The following NWD1 variants were observed in gnomAD, a reference collection of about 807,000 sequenced individuals.
NWD1 encodes the protein NACHT domain- and WD repeat-containing protein 1.
A neutral mutation model predicts 135.1 loss-of-function variants in NWD1; 129 were observed. The observed-to-expected ratio is 0.96, with a 90% CI of 0.83 to 1.11. NWD1 has a LOEUF of 1.11. Among genes scored for constraint, NWD1 ranks in the 50% least tolerant of loss-of-function variants. The pLI, the probability that NWD1 is intolerant of heterozygous loss-of-function variation, is 0.00. For synonymous variants in NWD1, 773 were observed against 786.0 expected, an observed-to-expected ratio of 0.98 and a Z score of 0.28; for missense variants, 1,740 against 1,851.3, an observed-to-expected ratio of 0.94 and a Z score of 1.10.
chr19:16,740,573 G>C (rs1464929646), intron 4 of NWD1, among the ~76,000 whole-genome samples: 1 of 151,284 alleles, frequency 6.6e-6, no homozygotes, highest in Non-Finnish European at 1.5e-5. Flanking sequence ...CCTGACCTCA[G>C]GTGATCCACC....
In NWD1 at chr19:16,789,010, C is replaced by T. The variant is rs1470739082; in HGVS notation, c.2760C>T (p.Ala920=). ...AGGTGAGGTGTGTGAAAATATTTGC[C>T]AAAGGGACCCTCGCCAACTCTGCTT... is the stretch of plus-strand genomic sequence containing the variant. The part of the protein sequence containing the change: ...TGEVRCVKIF[A]KGTLANSASK... The change falls in exon 13 of 19, where the codon GCC becomes GCT. Residue 920 remains alanine (A), a synonymous_variant. Transcript: ENST00000524140. 6.2e-7 allele frequency: 1 copy of T among 1,612,008 alleles called. No homozygotes were observed. The highest frequency in any genetic ancestry group is 8.5e-7 in the Non-Finnish European group (1 of 1,179,718).
intron 6 of NWD1, among the ~76,000 whole-genome samples, chr19:16,755,227 TG>T (rs1050520484): frequency 2.0e-5 from 3 of 151,636 alleles, no homozygotes; most frequent in Admixed American, 6.6e-5. Flanking sequence ...CTCTCTTTTT[TG>T]GGGGGGGACA....
At chr19:16,723,155 T>G (rs1418746546) in intron 1 of NWD1, among the ~76,000 whole-genome samples, 2 of 151,998 alleles carry the variant, frequency 1.3e-5, no homozygotes, top group Non-Finnish European at 2.9e-5. Context: ...CATCTCAGCC[T>G]CCCAAGTAGC....
Position 16,749,517 on chromosome 19 carries a change from C to T in NWD1, c.875C>T (p.Ala292Val), listed in dbSNP as rs746626131. The T allele has an allele frequency of 4.3e-6, 7 of 1,610,574 alleles. No individual in the cohort carries two copies. In the Admixed American group the frequency reaches 6.7e-5, roughly 15 times the overall value. ...RELDTAGQEL[A>V]WLYQEIRHHL... ...CTGGATACGGCCGGACAGGAGTTGGCGTGGCTCTACCAAGAGATCCGCCAC... is the reference window on the plus strand; with the variant it reads ...CTGGATACGGCCGGACAGGAGTTGGTGTGGCTCTACCAAGAGATCCGCCAC... The change falls in exon 6 of 19, where the codon GCG (alanine) becomes GTG (valine). Residue 292 changes from alanine (A) to valine (V), a missense_variant. Transcript: ENST00000524140.
chr19:16,790,436 G>A (rs958163624), intron 13 of NWD1, among the ~76,000 whole-genome samples: 2 of 151,368 alleles, frequency 1.3e-5, no homozygotes, highest in African/African-American at 4.9e-5. Context: ...TCACCAACCA[G>A]ATGTACCTAT....
intron 18 of NWD1, among the ~76,000 whole-genome samples, chr19:16,813,221 G>T (rs1970977820): frequency 6.6e-6 from 1 of 152,130 alleles, no homozygotes; most frequent in Non-Finnish European, 1.5e-5. Flanking sequence ...AGAGTGAGAA[G>T]AGGGTCAAGT....
rs1160024976 is a variant in NWD1, at chr19:16,720,257, A to G, written c.-141A>G. Reference sequence around the variant, plus strand: ...CATGGAATTCACTTTCTCGTGGGACAGACAAACAATAACATGTAGAAACAT... The same window carrying G: ...CATGGAATTCACTTTCTCGTGGGACGGACAAACAATAACATGTAGAAACAT... On this transcript the variant is annotated 5_prime_UTR_variant, in exon 1 of 19. Transcript: ENST00000524140. The G allele has an allele frequency of 6.6e-6, 1 of 152,234 alleles. No individual in the cohort carries two copies. The highest frequency in any genetic ancestry group is 1.9e-4 in the East Asian group (1 of 5,204). 9.4% of individuals were successfully genotyped at this position (152,234 alleles called of 1,614,324 possible). A position where few individuals can be genotyped will look rare whatever the true frequency, so the allele number is the denominator to read the frequency against.
intron 6 of NWD1, among the ~76,000 whole-genome samples, chr19:16,757,009 G>A (rs1968824573): frequency 6.6e-6 from 1 of 152,072 alleles, no homozygotes; most frequent in African/African-American, 2.4e-5. Context: ...CCCCAGATGG[G>A]ACTGTCTACT....
intron 18 of NWD1, among the ~76,000 whole-genome samples, chr19:16,812,438 G>T (rs1970952145): frequency 6.6e-6 from 1 of 151,932 alleles, no homozygotes; most frequent in African/African-American, 2.4e-5. Context: ...CGAGACCAAG[G>T]CTAGTGGATC....
rs926039404 is a variant in NWD1, at chr19:16,742,772, G to A, written c.199-1649G>A. On this transcript the variant is annotated intron_variant, in intron 4 of 18. Transcript: ENST00000524140. ...CACAACCTCCGCCTCCAGGGTTCAA[G>A]CGATTCTCTTGCCTCAGGCTCCCGA... Among the ~76,000 whole-genome samples the A allele has an allele frequency of 5.9e-5, 9 of 151,998 alleles. No individual in the cohort carries two copies. The East Asian group carries it at 1.7e-3, about 29-fold the overall frequency.
intron 1 of NWD1, 120 bp from the exon 2 acceptor site, chr19:16,724,245 GT>G (rs1367607447): frequency 6.6e-6 from 1 of 152,224 alleles, no homozygotes; most frequent in Non-Finnish European, 1.5e-5. Flanking sequence ...CAACCGCCTT[GT>G]TGATGTTTTG....
intron 5 of NWD1, among the ~76,000 whole-genome samples, chr19:16,746,472 A>G (rs565211908): frequency 1.3e-5 from 2 of 152,260 alleles, no homozygotes; most frequent in Non-Finnish European, 2.9e-5. Context: ...CAGGAGTTCA[A>G]GACCAGCCTG....
chr19:16,728,375 C>A, intron 2 of NWD1, among the ~76,000 whole-genome samples: 1 of 148,644 alleles, frequency 6.7e-6, no homozygotes, highest in East Asian at 2.0e-4. Flanking sequence ...ACCTCTGTCT[C>A]CCAGGTTCAA....
At chr19:16,788,564 C>CAAAA (rs1164007408) in intron 12 of NWD1, among the ~76,000 whole-genome samples, 7 of 71,718 alleles carry the variant, frequency 9.8e-5, no homozygotes, top group Admixed American at 1.7e-4. Context: ...GAGAGTCCGT[C>CAAAA]AAAAAAAAAA....
chr19:16,766,903 TA>T (rs1322376866), intron 10 of NWD1, among the ~76,000 whole-genome samples: 2 of 152,160 alleles, frequency 1.3e-5, no homozygotes, highest in African/African-American at 4.8e-5. Context: ...TAACCATTTT[TA>T]TGTGTGCAGT....
At chr19:16,807,516 A>G (rs76935346) in intron 17 of NWD1, 70 bp from the exon 18 acceptor site, 30 of 1,318,130 alleles carry the variant, frequency 2.3e-5, no homozygotes, top group Non-Finnish European at 3.1e-5. Context: ...AACAAAAAAA[A>G]CCACCAGGGA....
At chr19:16,803,269 G>A (rs1022187074) in intron 17 of NWD1, among the ~76,000 whole-genome samples, 1 of 152,024 alleles carries the variant, frequency 6.6e-6, no homozygotes, top group African/African-American at 2.4e-5. Flanking sequence ...GATTTGGGTG[G>A]GGACACAGCC....
rs1468437002 is a variant in NWD1, at chr19:16,817,828, C to G, written c.*2789C>G. The G allele has an allele frequency of 6.6e-6, 1 of 152,136 alleles. No homozygotes were observed. Among genetic ancestry groups the G allele is most frequent in the Non-Finnish European group, 1.5e-5 (1 of 68,034 alleles). The allele number at this position is 152,136 out of a possible 1,614,324, so 9.4% of individuals were successfully genotyped here. The stretch of plus-strand genomic sequence containing the variant: ...GATGTTGAGACCAATTAAGATTTCA[C>G]CTACAAATTCTGATTTTAAATGCCT... On this transcript the variant is annotated 3_prime_UTR_variant, in exon 19 of 19. Transcript: ENST00000524140.
At chr19:16,755,988 C>T (rs1032398111) in intron 6 of NWD1, among the ~76,000 whole-genome samples, 1 of 152,078 alleles carries the variant, frequency 6.6e-6, no homozygotes, top group East Asian at 1.9e-4. Flanking sequence ...AGAAGCCTTA[C>T]CAGTAACATA....
Sources: gnomAD v4.1 joint callset for allele counts (sites outside exome capture counted in the v4.1 genomes callset) on GRCh38, gnomAD v4.1.1 for gene constraint, MANE v1.5 for transcripts, NCBI Gene and HGNC (gene_info 2026-07-23, HGNC 2026-07-21) for gene names.